Variants in HLTF observed in about 807,000 individuals in gnomAD.
HLTF encodes DNA-dependent ATPase/E3 ubiquitin-protein ligase HLTF.
Under a neutral mutation model 129.4 loss-of-function variants are expected in HLTF, and 127 were observed. The observed-to-expected ratio is 0.98, with a 90% confidence interval of 0.85 to 1.14. The LOEUF (loss-of-function observed/expected upper bound fraction) is 1.14, where lower values mean the gene tolerates loss of function less well. Among genes scored for constraint, HLTF ranks in the 50% most tolerant of loss-of-function variants. The probability of loss-of-function intolerance (pLI) is 0.00; values close to 1 mark genes in which losing one functional copy is unlikely to be tolerated. For missense variants in HLTF, 1,139 were observed against 1,187.1 expected, an observed-to-expected ratio of 0.96 and a Z score of 0.60; for synonymous variants, 332 against 388.8, an observed-to-expected ratio of 0.85 and a Z score of 1.72.
At chr3:149,039,891 TA>T in intron 21 of HLTF, 139 bp downstream of exon 21, 9 of 785,152 alleles carry the variant, frequency 1.1e-5, no homozygotes, top group Non-Finnish European at 1.7e-5. Context: ...AATTCACCAC[TA>T]AAAATAAAAA....
At position 149,048,203 on chromosome 3, in the gene HLTF, G is replaced by A. The variant is rs776202638; in HGVS notation, c.1757-40C>T. Reference sequence around the variant, plus strand: ...AAACTGTTATAACTCTTTAACCAGAGTATCCAGTAAGAGTATCTATTTGGC... The same window carrying A: ...AAACTGTTATAACTCTTTAACCAGAATATCCAGTAAGAGTATCTATTTGGC... On this transcript the variant is annotated intron_variant, in intron 16 of 24. Coordinates refer to ENST00000310053, the MANE Select transcript of HLTF (RefSeq NM_003071.4). 1.9e-6 allele frequency: 3 copies of A among 1,546,980 alleles called. No individual in the cohort carries two copies. The East Asian group carries it at 6.8e-5, about 35-fold the overall frequency.
At chr3:149,056,979 G>A (rs956888819) in intron 13 of HLTF, among the ~76,000 whole-genome samples, 23 of 151,612 alleles carry the variant, frequency 1.5e-4, no homozygotes, top group African/African-American at 5.1e-4. Context: ...GGAGGTGGCG[G>A]GCGCCTGTAG....
In HLTF at chr3:149,071,124, AC is replaced by A. The variant is rs1718818565; in HGVS notation, c.894+127del. 5.4e-6 allele frequency: 3 copies of A among 558,082 alleles called. No individual in the cohort carries two copies. The Admixed American group carries it at 1.0e-4, about 19-fold the overall frequency. The allele number at this position is 558,082 out of a possible 1,614,324, so 34.6% of individuals were successfully genotyped here. On this transcript the variant is annotated intron_variant, in intron 7 of 24. Coordinates refer to ENST00000310053, the MANE Select transcript of HLTF (RefSeq NM_003071.4). ...AAAACTACAGGAAAAACTGTGTTCT[AC>A]AAAGATAGTAAGATCTAGTCCCAAA... is the stretch of plus-strand genomic sequence containing the variant.
chr3:149,077,208 C>T (rs1405284716), intron 2 of HLTF, among the ~76,000 whole-genome samples: 1 of 151,398 alleles, frequency 6.6e-6, no homozygotes, highest in Non-Finnish European at 1.5e-5. Context: ...AGATAGTGCC[C>T]CTGCACTCCA....
chr3:149,079,574 G>C (rs1173789900), intron 2 of HLTF, among the ~76,000 whole-genome samples: 1 of 151,558 alleles, frequency 6.6e-6, no homozygotes, highest in Admixed American at 6.6e-5. Context: ...GGAGCTGTGA[G>C]CAAAGGTTTT....
chr3:149,050,205 G>C (rs1221060874), intron 15 of HLTF, 27 bp downstream of exon 15: 9 of 1,405,588 alleles, frequency 6.4e-6, no homozygotes, highest in Non-Finnish European at 8.8e-6. Flanking sequence ...ATCTTTAAAA[G>C]ATCTGTTAAG....
chr3:149,067,165 A>T (rs1718450131), intron 8 of HLTF, among the ~76,000 whole-genome samples: 2 of 151,376 alleles, frequency 1.3e-5, no homozygotes, highest in Non-Finnish European at 2.9e-5. Context: ...ATGTATGTTT[A>T]TATTATATAC....
At chr3:149,033,615 T>A (rs1299984976) in intron 24 of HLTF, among the ~76,000 whole-genome samples, 1 of 151,954 alleles carries the variant, frequency 6.6e-6, no homozygotes, top group East Asian at 1.9e-4. Context: ...ATAAATTAGT[T>A]TATGATGAAA....
In HLTF at chr3:149,073,328, A is replaced by C; in HGVS notation, c.530-6T>G. 1.3e-6 allele frequency: 2 copies of C among 1,580,794 alleles called. No individual in the cohort carries two copies. Among genetic ancestry groups the C allele is most frequent in the Non-Finnish European group, 1.7e-6 (2 of 1,154,748 alleles). On this transcript the variant is annotated splice_polypyrimidine_tract_variant and splice_region_variant and intron_variant, in intron 4 of 24. Transcript: ENST00000310053. Reference sequence around the variant, plus strand: ...TTCCAAATTGAATCCTAAAGCTATAATTTACAAAATAAAAAGAATAAAGCC... The same window carrying C: ...TTCCAAATTGAATCCTAAAGCTATACTTTACAAAATAAAAAGAATAAAGCC...
intron 1 of HLTF, 117 bp from the exon 2 acceptor site, chr3:149,085,006 TAA>T (rs1442945594): frequency 2.8e-6 from 2 of 708,860 alleles, no homozygotes; most frequent in Non-Finnish European, 4.7e-6. Flanking sequence ...GGAATCACGG[TAA>T]AGATTAATAG....
chr3:149,047,072 C>T (rs1420769436), intron 17 of HLTF, among the ~76,000 whole-genome samples: 3 of 152,166 alleles, frequency 2.0e-5, no homozygotes, highest in Non-Finnish European at 4.4e-5. Context: ...ATCATGCACT[C>T]CGATATTTAC....
intron 20 of HLTF, among the ~76,000 whole-genome samples, chr3:149,040,971 A>G (rs1353923877): frequency 6.6e-6 from 1 of 152,166 alleles, no homozygotes; most frequent in Non-Finnish European, 1.5e-5. Flanking sequence ...TCTACCACAC[A>G]AAAGAATCTA....
chr3:149,053,693 C>T (rs1426742943), intron 14 of HLTF, among the ~76,000 whole-genome samples: 1 of 152,232 alleles, frequency 6.6e-6, no homozygotes, highest in Non-Finnish European at 1.5e-5. Flanking sequence ...CATGATCTCA[C>T]TTGGCAAGAT....
At chr3:149,034,377 A>G (rs1157232455) in intron 24 of HLTF, among the ~76,000 whole-genome samples, 1 of 152,158 alleles carries the variant, frequency 6.6e-6, no homozygotes, top group African/African-American at 2.4e-5. Flanking sequence ...TTTGTAGAGT[A>G]GTCAAATTCA....
intron 8 of HLTF, among the ~76,000 whole-genome samples, chr3:149,066,905 G>A (rs1028055544): frequency 6.6e-6 from 1 of 152,014 alleles, no homozygotes; most frequent in Non-Finnish European, 1.5e-5. Context: ...ACTAAGTGCA[G>A]ACATTAATAA....
chr3:149,074,478 G>T (rs1719162266), intron 3 of HLTF, 130 bp from the exon 4 acceptor site: 2 of 783,454 alleles, frequency 2.6e-6, no homozygotes, highest in South Asian at 3.3e-5. Flanking sequence ...GAACTAGTTG[G>T]GCAGACTTGA....
intron 13 of HLTF, among the ~76,000 whole-genome samples, chr3:149,058,320 A>C (rs1717647335): frequency 6.6e-6 from 1 of 152,054 alleles, no homozygotes; most frequent in Non-Finnish European, 1.5e-5. Context: ...GGCCTCCCAA[A>C]GTGCTGCAAT....
intron 15 of HLTF, among the ~76,000 whole-genome samples, chr3:149,049,222 A>G (rs1439521033): frequency 6.6e-6 from 1 of 152,200 alleles, no homozygotes; most frequent in Non-Finnish European, 1.5e-5. Flanking sequence ...ACAAACTGCT[A>G]AGTAAGTATG....
chr3:149,044,486 C>CT lies in HLTF; in HGVS notation c.2072+1593dup, dbSNP rs200309642. Among the ~76,000 whole-genome samples the CT allele has an allele frequency of 4.1e-3, 620 of 152,240 alleles. 3 individuals are homozygous for CT. Among genetic ancestry groups the CT allele is most frequent in the African/African-American group, 0.014 (594 of 41,556 alleles). ...CTTCCTCCTATTTCACCAGCCATTG[C>CT]TATCTTCACAGTTAGATCTCTTTCA... On this transcript the variant is annotated intron_variant, in intron 18 of 24. Transcript: ENST00000310053.
Sources: gnomAD v4.1 joint callset for allele counts (sites outside exome capture counted in the v4.1 genomes callset) on GRCh38, gnomAD v4.1.1 for gene constraint, MANE v1.5 for transcripts, NCBI Gene and HGNC (gene_info 2026-07-23, HGNC 2026-07-21) for gene names.